SLC41A2: variants seen among roughly 807,000 people sequenced by gnomAD.
The protein encoded by SLC41A2 is SLC41A1-like 1.
Under a neutral mutation model 58.3 loss-of-function variants are expected in SLC41A2, and 32 were observed. The observed-to-expected ratio is 0.55, with a 90% confidence interval of 0.41 to 0.74. The LOEUF is 0.74. Ranked by LOEUF, SLC41A2 falls within the 30% of genes least tolerant of loss-of-function variation. The pLI is 0.00. For missense variants in SLC41A2, 514 were observed against 680.6 expected, an observed-to-expected ratio of 0.76 and a Z score of 2.72; for synonymous variants, 190 against 235.0, an observed-to-expected ratio of 0.81 and a Z score of 1.75.
chr12:104,878,487 G>T (rs1440070017), intron 6 of SLC41A2, among the ~76,000 whole-genome samples: 2 of 149,330 alleles, frequency 1.3e-5, no homozygotes, highest in Admixed American at 1.3e-4. Context: ...CACAGGCCCT[G>T]GTGTGTGATG....
Position 104,928,626 on chromosome 12 carries a change from T to C in SLC41A2, c.-99A>G. 2 of 596,852 alleles carry C rather than the reference T, an allele frequency of 3.4e-6. No homozygotes were observed. Among genetic ancestry groups the C allele is most frequent in the Non-Finnish European group, 5.2e-6 (2 of 384,540 alleles). 37.0% of individuals were successfully genotyped at this position (596,852 alleles called of 1,614,324 possible). On this transcript the variant is annotated 5_prime_UTR_variant, in exon 2 of 11. Coordinates refer to ENST00000258538, the MANE Select transcript of SLC41A2 (RefSeq NM_001352171.3). ...ACAAACACTGGTTTAAATTAAGTTG[T>C]TGACTTCATTGTGTAGAAAATATTT...
At chr12:104,849,130 G>T (rs150863174) in intron 8 of SLC41A2, among the ~76,000 whole-genome samples, 1 of 152,232 alleles carries the variant, frequency 6.6e-6, no homozygotes, top group Non-Finnish European at 1.5e-5. Context: ...ATAACGAATG[G>T]ATGAAAAGGA....
rs2040809968 is a variant in SLC41A2 at position 104,804,166 on chromosome 12, A to AAG, written c.*985_*986insCT. 1 of 148,734 alleles carries AAG rather than the reference A, an allele frequency of 6.7e-6. No individual in the cohort carries two copies. The highest frequency in any genetic ancestry group is 2.5e-5 in the African/African-American group (1 of 40,236). The allele number at this position is 148,734 out of a possible 1,614,324, so 9.2% of individuals were successfully genotyped here. On this transcript the variant is annotated 3_prime_UTR_variant, in exon 11 of 11. Transcript: ENST00000258538. Reference sequence around the variant, plus strand: ...TCAAAAAAAAAAAAAAAAAAAAAAAAAAAGAATATAGGTAACAAATAGTAA... The same window carrying AAG: ...TCAAAAAAAAAAAAAAAAAAAAAAAAAGAAAGAATATAGGTAACAAATAGTAA...
chr12:104,891,627 T>A (rs1181566233), intron 4 of SLC41A2, among the ~76,000 whole-genome samples: 1 of 151,598 alleles, frequency 6.6e-6, no homozygotes, highest in Non-Finnish European at 1.5e-5. Flanking sequence ...AATACAATAA[T>A]GATATTTAAA....
intron 1 of SLC41A2, among the ~76,000 whole-genome samples, chr12:104,929,743 A>G (rs539403407): frequency 6.6e-6 from 1 of 152,382 alleles, no homozygotes; most frequent in East Asian, 1.9e-4. Flanking sequence ...GACCAAAAAA[A>G]TGGCACTGAT....
At chr12:104,833,991 A>G (rs934374151) in intron 10 of SLC41A2, 1 of 983,124 alleles carries the variant, frequency 1.0e-6, no homozygotes, top group Non-Finnish European at 1.2e-6. Context: ...GCAATGTCCT[A>G]AGCAGAATAC....
intron 2 of SLC41A2, among the ~76,000 whole-genome samples, chr12:104,918,628 G>GAAAAAAAAAAAAAAA (rs34865307): frequency 9.0e-6 from 1 of 111,506 alleles, no homozygotes; most frequent in African/African-American, 3.4e-5. Flanking sequence ...GGAGATACAT[G>GAAAAAAAAAAAAAAA]AAAAAAAAAA....
intron 3 of SLC41A2, among the ~76,000 whole-genome samples, chr12:104,897,681 TA>T (rs1459840939): frequency 1.3e-5 from 2 of 152,210 alleles, no homozygotes; most frequent in Non-Finnish European, 2.9e-5. Flanking sequence ...TAACTTTTTT[TA>T]TAAAGCAAAG....
chr12:104,808,317 G>C lies in SLC41A2; in HGVS notation c.1537-2980C>G, dbSNP rs1266861340. Among the ~76,000 whole-genome samples the C allele has an allele frequency of 6.6e-5, 10 of 152,308 alleles. No homozygotes were observed. The South Asian group carries it at 8.3e-4, about 13-fold the overall frequency. On this transcript the variant is annotated intron_variant, in intron 10 of 10. Transcript: ENST00000258538. ...GTCAAAGGCCTTTTCTGCATCTATT[G>C]AGATAATCATGTGGTTTTTGTCGTT...
intron 1 of SLC41A2, among the ~76,000 whole-genome samples, chr12:104,951,157 C>T (rs542666509): frequency 6.6e-6 from 1 of 152,192 alleles, no homozygotes; most frequent in Non-Finnish European, 1.5e-5. Flanking sequence ...TTCCCTATAG[C>T]AGGACATTAT....
At chr12:104,828,459 A>C (rs1436018640) in intron 10 of SLC41A2, among the ~76,000 whole-genome samples, 2 of 152,216 alleles carry the variant, frequency 1.3e-5, no homozygotes, top group Non-Finnish European at 2.9e-5. Flanking sequence ...AACTGAGCTA[A>C]CATAAACCAT....
chr12:104,831,666 C>T (rs903309140), intron 10 of SLC41A2, among the ~76,000 whole-genome samples: 8 of 152,216 alleles, frequency 5.3e-5, no homozygotes, highest in African/African-American at 1.9e-4. Context: ...TTTAATCTCT[C>T]CAACTGATAT....
At chr12:104,839,624 C>T (rs1366053284) in intron 10 of SLC41A2, among the ~76,000 whole-genome samples, 1 of 152,050 alleles carries the variant, frequency 6.6e-6, no homozygotes, top group Non-Finnish European at 1.5e-5. Flanking sequence ...CTGCCTCAGC[C>T]TCCTGAGTAG....
intron 6 of SLC41A2, among the ~76,000 whole-genome samples, chr12:104,870,895 A>G (rs1223870536): frequency 6.6e-6 from 1 of 152,156 alleles, no homozygotes. Flanking sequence ...ATTGATCTAA[A>G]TTTTCTGAGG....
At chr12:104,922,756 C>A (rs925807185) in intron 2 of SLC41A2, among the ~76,000 whole-genome samples, 1 of 152,038 alleles carries the variant, frequency 6.6e-6, no homozygotes, top group Admixed American at 6.6e-5. Context: ...GAACATTCTA[C>A]CAGAATAGAT....
chr12:104,845,318 A>G (rs1218056065), intron 9 of SLC41A2, among the ~76,000 whole-genome samples: 1 of 152,142 alleles, frequency 6.6e-6, no homozygotes, highest in Non-Finnish European at 1.5e-5. Context: ...TTCTAAAACA[A>G]AAGTCAATAA....
At chr12:104,868,008 T>C (rs1024812163) in intron 6 of SLC41A2, among the ~76,000 whole-genome samples, 1 of 151,990 alleles carries the variant, frequency 6.6e-6, no homozygotes, top group African/African-American at 2.4e-5. Flanking sequence ...TAAGCTTTTG[T>C]ATGGATTTGC....
chr12:104,842,100 A>G (rs528722284), intron 10 of SLC41A2, among the ~76,000 whole-genome samples: 6 of 152,114 alleles, frequency 3.9e-5, no homozygotes, highest in Non-Finnish European at 7.4e-5. Flanking sequence ...GAATATTAAA[A>G]GGTAAGTTTT....
intron 1 of SLC41A2, among the ~76,000 whole-genome samples, chr12:104,929,292 TCTG>T (rs1377550970): frequency 1.2e-4 from 18 of 152,234 alleles, no homozygotes; most frequent in African/African-American, 3.9e-4. Context: ...TATTTGTAGT[TCTG>T]AGATATAAAA....
Sources: allele counts gnomAD v4.1 joint callset (sites outside exome capture counted in the v4.1 genomes callset), GRCh38; gene constraint gnomAD v4.1.1; transcripts MANE v1.5; gene names NCBI Gene and HGNC (gene_info 2026-07-23, HGNC 2026-07-21).